Variants in CLASP2 observed in about 807,000 individuals in gnomAD.
The protein encoded by CLASP2 is cytoplasmic linker associated protein 2, also known as CLIP-associating protein 2.
A neutral mutation model predicts 194.4 loss-of-function variants in CLASP2; 47 were observed. The observed-to-expected ratio is 0.24, with a 90% CI of 0.19 to 0.31. The LOEUF is 0.31. Ranked by LOEUF, CLASP2 falls within the 10% of genes least tolerant of loss-of-function variation. The pLI is 1.00. For missense variants in CLASP2, 1,445 were observed against 1,823.6 expected (o/e 0.79, Z 3.78); for synonymous variants, 619 against 633.5 (o/e 0.98, Z 0.34).
intron 12 of CLASP2, among the ~76,000 whole-genome samples, chr3:33,618,362 A>G (rs2076557974): frequency 6.6e-6 from 1 of 152,106 alleles, no homozygotes; most frequent in Non-Finnish European, 1.5e-5. Flanking sequence ...AAAAGAAGCT[A>G]GGCTGGGCAT....
intron 7 of CLASP2, among the ~76,000 whole-genome samples, chr3:33,655,957 A>C (rs1176630303): frequency 6.6e-6 from 1 of 152,206 alleles, no homozygotes; most frequent in Non-Finnish European, 1.5e-5. Flanking sequence ...ATAACAACAA[A>C]AGGCCAAATT....
At position 33,696,865 on chromosome 3, in the gene CLASP2, A is replaced by G. The variant is rs903984794; in HGVS notation, c.264T>C (p.Tyr88=). The part of the protein sequence containing the change: ...VDRLSTRFKS[Y]VAMVIVALID... ...ACAAAGTTAACTTACCCATTGCTAC[A>G]TAGGATTTAAAGCGTGTTGATAATC... Residue 88 remains tyrosine (Y), a synonymous_variant, in exon 2 of 39, where the codon TAT becomes TAC. Coordinates refer to ENST00000682230, the MANE Select transcript of CLASP2 (RefSeq NM_001365631.1). The G allele has an allele frequency of 1.9e-6, 3 of 1,587,522 alleles. No homozygotes were observed. The highest frequency in any genetic ancestry group is 1.3e-5 in the African/African-American group (1 of 74,548).
chr3:33,670,542 CA>C (rs775852121), intron 6 of CLASP2, among the ~76,000 whole-genome samples: 1 of 152,148 alleles, frequency 6.6e-6, no homozygotes, highest in Non-Finnish European at 1.5e-5. Context: ...ACTACAAAAT[CA>C]ACAACTCTTC....
At chr3:33,533,284 T>C (rs892038266) in intron 34 of CLASP2, among the ~76,000 whole-genome samples, 1 of 152,206 alleles carries the variant, frequency 6.6e-6, no homozygotes, top group Admixed American at 6.5e-5. Flanking sequence ...TTGTGACAGA[T>C]TAAAACACAT....
At chr3:33,696,747 T>A in intron 2 of CLASP2, 108 bp downstream of exon 2, 1 of 823,584 alleles carries the variant, frequency 1.2e-6, no homozygotes, top group Non-Finnish European at 2.0e-6. Flanking sequence ...ATTACAGAAA[T>A]TACATTTTTT....
At chr3:33,541,921 T>C (rs1422304330) in intron 32 of CLASP2, among the ~76,000 whole-genome samples, 1 of 152,234 alleles carries the variant, frequency 6.6e-6, no homozygotes, top group Non-Finnish European at 1.5e-5. Flanking sequence ...CACACTATCT[T>C]CCACAATAGT....
At chr3:33,574,393 G>T (rs571805623) in intron 24 of CLASP2, 2 of 818,784 alleles carry the variant, frequency 2.4e-6, no homozygotes, top group East Asian at 2.9e-5. Flanking sequence ...ATTTTTAATA[G>T]AAGACCATCA....
intron 34 of CLASP2, among the ~76,000 whole-genome samples, chr3:33,525,234 A>C (rs1021748679): frequency 1.3e-5 from 2 of 152,176 alleles, no homozygotes; most frequent in Non-Finnish European, 2.9e-5. Flanking sequence ...CTACATACCA[A>C]AACTTATGGA....
intron 7 of CLASP2, among the ~76,000 whole-genome samples, chr3:33,649,159 T>C (rs1330298029): frequency 2.0e-5 from 3 of 152,174 alleles, no homozygotes; most frequent in African/African-American, 7.2e-5. Flanking sequence ...TTCATCCACA[T>C]CCATACTGTT....
At chr3:33,506,646 CTTGAG>C (rs1449457989) in intron 37 of CLASP2, among the ~76,000 whole-genome samples, 2 of 151,974 alleles carry the variant, frequency 1.3e-5, no homozygotes, top group African/African-American at 4.8e-5. Context: ...TGCATCACTC[CTTGAG>C]TTAATTTCTG....
chr3:33,629,972 T>C (rs760829286), intron 9 of CLASP2, among the ~76,000 whole-genome samples: 27 of 152,082 alleles, frequency 1.8e-4, no homozygotes, highest in Non-Finnish European at 3.4e-4. Context: ...CTGACGATCC[T>C]TGAAATCGTG....
chr3:33,626,398 T>C (rs2078056809), intron 10 of CLASP2, among the ~76,000 whole-genome samples: 2 of 152,274 alleles, frequency 1.3e-5, no homozygotes, highest in East Asian at 1.9e-4. Flanking sequence ...TTAAAAAATA[T>C]ATTGCTTATT....
intron 27 of CLASP2, among the ~76,000 whole-genome samples, chr3:33,564,134 A>G (rs1321100056): frequency 6.6e-6 from 1 of 152,228 alleles, no homozygotes; most frequent in Non-Finnish European, 1.5e-5. Flanking sequence ...CCATTTGAAA[A>G]TAAAGACTAT....
At chr3:33,531,563 G>T (rs80102660) in intron 34 of CLASP2, among the ~76,000 whole-genome samples, 1 of 152,308 alleles carries the variant, frequency 6.6e-6, no homozygotes, top group East Asian at 1.9e-4. Flanking sequence ...ATCACCTGAG[G>T]TCAGGAGTTC....
intron 5 of CLASP2, among the ~76,000 whole-genome samples, chr3:33,685,485 TCAAA>T (rs1373179354): frequency 2.6e-5 from 4 of 151,908 alleles, no homozygotes; most frequent in Non-Finnish European, 5.9e-5. Flanking sequence ...TGGCCTGAAC[TCAAA>T]CAGATACTTT....
intron 7 of CLASP2, chr3:33,645,579 C>T (rs1208244570): frequency 2.4e-6 from 1 of 420,516 alleles, no homozygotes; most frequent in African/African-American, 2.0e-5. Flanking sequence ...CTAAAAAATT[C>T]TCTATTAGCT....
intron 37 of CLASP2, chr3:33,504,666 G>A (rs1431470401): frequency 2.0e-5 from 3 of 152,238 alleles, no homozygotes; most frequent in African/African-American, 4.8e-5. Flanking sequence ...ATTTTTCCAC[G>A]GATGGGGAAG....
At chr3:33,529,114 C>T (rs2055452929) in intron 34 of CLASP2, among the ~76,000 whole-genome samples, 1 of 152,046 alleles carries the variant, frequency 6.6e-6, no homozygotes, top group East Asian at 1.9e-4. Flanking sequence ...TATAGCTAAC[C>T]AGAGAAGTGA....
chr3:33,543,225 C>T (rs2058651725), intron 32 of CLASP2, among the ~76,000 whole-genome samples: 1 of 152,038 alleles, frequency 6.6e-6, no homozygotes, highest in African/African-American at 2.4e-5. Flanking sequence ...ATACAAAAAT[C>T]AGCGGGGTGT....
Sources: gnomAD v4.1 joint callset for allele counts (sites outside exome capture counted in the v4.1 genomes callset) on GRCh38, gnomAD v4.1.1 for gene constraint, MANE v1.5 for transcripts, NCBI Gene and HGNC (gene_info 2026-07-23, HGNC 2026-07-21) for gene names.